ADAMTS19: variants seen among roughly 807,000 people sequenced by gnomAD.
The protein encoded by ADAMTS19 is ADAM metallopeptidase with thrombospondin type 1 motif 19, also known as A disintegrin and metalloproteinase with thrombospondin motifs 19.
A neutral mutation model predicts 153.3 loss-of-function variants in ADAMTS19; 93 were observed. The ratio of observed to expected loss-of-function variants is 0.61; its 90% CI spans 0.51 to 0.72. ADAMTS19 has a LOEUF of 0.72. ADAMTS19 is among the 30% of genes least tolerant of loss of function. The probability of loss-of-function intolerance (pLI) is 0.00; values close to 1 mark genes in which losing one functional copy is unlikely to be tolerated. For missense variants in ADAMTS19, 1,482 were observed against 1,552.1 expected (o/e 0.95, Z 0.76); for synonymous variants, 600 against 556.6 (o/e 1.08, Z -1.10).
intron 6 of ADAMTS19, among the ~76,000 whole-genome samples, chr5:129,542,278 A>T (rs1476731162): frequency 6.6e-6 from 1 of 152,152 alleles, no homozygotes; most frequent in African/African-American, 2.4e-5. Context: ...ATCCTCTGAA[A>T]ACATGGGTTT....
chr5:129,581,887 T>TACC (rs2126887214), intron 7 of ADAMTS19, among the ~76,000 whole-genome samples: 2 of 152,298 alleles, frequency 1.3e-5, no homozygotes, highest in East Asian at 3.9e-4. Context: ...GAACAGGTTG[T>TACC]TCAGTTTCCA....
intron 21 of ADAMTS19, among the ~76,000 whole-genome samples, chr5:129,704,920 A>C (rs557718908): frequency 6.6e-6 from 1 of 152,302 alleles, no homozygotes; most frequent in African/African-American, 2.4e-5. Flanking sequence ...AATGAACAGT[A>C]AGTTTAATTC....
intron 7 of ADAMTS19, among the ~76,000 whole-genome samples, chr5:129,570,351 AT>A (rs1260287526): frequency 6.6e-6 from 1 of 151,876 alleles, no homozygotes; most frequent in Non-Finnish European, 1.5e-5. Flanking sequence ...GTTCATTGAA[AT>A]CCTCAAACAA....
At chr5:129,519,680 A>G (rs1033965108) in intron 3 of ADAMTS19, among the ~76,000 whole-genome samples, 1 of 151,208 alleles carries the variant, frequency 6.6e-6, no homozygotes, top group East Asian at 1.9e-4. Context: ...AAGCGGAAAG[A>G]TTTTTAAGAA....
intron 3 of ADAMTS19, among the ~76,000 whole-genome samples, chr5:129,522,354 T>C (rs1297999169): frequency 2.3e-5 from 3 of 127,760 alleles, no homozygotes; most frequent in East Asian, 2.2e-4. Context: ...TATATATATA[T>C]ATATATATAT....
intron 6 of ADAMTS19, among the ~76,000 whole-genome samples, chr5:129,530,389 A>G (rs1056846440): frequency 3.9e-5 from 6 of 152,206 alleles, no homozygotes; most frequent in African/African-American, 7.2e-5. Flanking sequence ...GGCAACAAAT[A>G]TGGACCTAGG....
intron 10 of ADAMTS19, among the ~76,000 whole-genome samples, chr5:129,626,406 G>C (rs1312846331): frequency 1.3e-5 from 2 of 151,996 alleles, no homozygotes; most frequent in African/African-American, 4.8e-5. Flanking sequence ...TAACCTACCT[G>C]CACAGATTTT....
intron 3 of ADAMTS19, among the ~76,000 whole-genome samples, chr5:129,524,716 A>T (rs1435800981): frequency 6.6e-6 from 1 of 151,856 alleles, no homozygotes; most frequent in African/African-American, 2.4e-5. Flanking sequence ...ACACCTATGT[A>T]ACAAACCTGC....
chr5:129,698,511 G>A (rs553118145), intron 19 of ADAMTS19, among the ~76,000 whole-genome samples: 96 of 152,148 alleles, frequency 6.3e-4, no homozygotes, highest in Admixed American at 4.5e-3. Context: ...TAAGGAAATG[G>A]GATCCTTCCA....
At position 129,702,951 on chromosome 5, in the gene ADAMTS19, T is replaced by C. The variant is rs1390032962; in HGVS notation, c.3160-1288T>C. ...TGCCAAAAAAAAAAAAATATATATATATATATATATATATATATATACAAA... is the reference window on the plus strand; with the variant it reads ...TGCCAAAAAAAAAAAAATATATATACATATATATATATATATATATACAAA... On this transcript the variant is annotated intron_variant, in intron 20 of 22. Coordinates refer to ENST00000274487, the MANE Select transcript of ADAMTS19 (RefSeq NM_133638.6). 5.7e-4 allele frequency among the ~76,000 whole-genome samples: 67 copies of C among 116,640 alleles called. 3 individuals are homozygous for C. The highest frequency in any genetic ancestry group is 2.5e-3 in the African/African-American group (63 of 24,758). 76.5% of individuals were successfully genotyped at this position (116,640 alleles called of 152,430 possible). A position where few individuals can be genotyped will look rare whatever the true frequency, so the allele number is the denominator to read the frequency against.
chr5:129,558,483 C>T lies in ADAMTS19; in HGVS notation c.1372+6576C>T, dbSNP rs553334324. Among the ~76,000 whole-genome samples the T allele has an allele frequency of 1.4e-3, 215 of 152,030 alleles. 2 individuals are homozygous for T. The highest frequency in any genetic ancestry group is 5.0e-3 in the African/African-American group (209 of 41,472). ...TAAGACATATGGACAATATTATAGACTATATTACAATTCATTAAAGAAGAC... is the reference window on the plus strand; with the variant it reads ...TAAGACATATGGACAATATTATAGATTATATTACAATTCATTAAAGAAGAC... On this transcript the variant is annotated intron_variant, in intron 7 of 22. Transcript: ENST00000274487.
intron 6 of ADAMTS19, among the ~76,000 whole-genome samples, chr5:129,537,464 G>A (rs1752485574): frequency 1.3e-5 from 2 of 152,112 alleles, no homozygotes; most frequent in Non-Finnish European, 2.9e-5. Context: ...CTGCTATAAA[G>A]ACACATGCAC....
chr5:129,685,342 C>T (rs1755033905), intron 18 of ADAMTS19, among the ~76,000 whole-genome samples: 1 of 151,626 alleles, frequency 6.6e-6, no homozygotes, highest in African/African-American at 2.4e-5. Flanking sequence ...ATAAGCAAAG[C>T]CTATTGAAAT....
rs535803140 is a variant in ADAMTS19, at chr5:129,626,715, T to G, written c.1770+4367T>G. Among the ~76,000 whole-genome samples, 22 of 152,258 alleles carry G rather than the reference T, an allele frequency of 1.4e-4. 1 individual carries two copies. Among genetic ancestry groups the G allele is most frequent in the African/African-American group, 4.8e-4 (20 of 41,560 alleles). On this transcript the variant is annotated intron_variant, in intron 10 of 22. Coordinates refer to ENST00000274487, the MANE Select transcript of ADAMTS19 (RefSeq NM_133638.6). ...AATATTTATTAAGTTCCAACTACTT[T>G]CCAGGCACTGTATGAAGCACAAATA...
intron 16 of ADAMTS19, among the ~76,000 whole-genome samples, chr5:129,668,158 C>T (rs1242641016): frequency 6.6e-6 from 1 of 152,144 alleles, no homozygotes; most frequent in Non-Finnish European, 1.5e-5. Context: ...ACTCCATTGT[C>T]TACCTGCATG....
intron 16 of ADAMTS19, among the ~76,000 whole-genome samples, chr5:129,674,525 GTCT>G: frequency 6.6e-6 from 1 of 151,904 alleles, no homozygotes; most frequent in African/African-American, 2.4e-5. Context: ...CTATTCCAGT[GTCT>G]TCTTTACTTG....
rs73787508 is a variant in ADAMTS19, at chr5:129,467,578, G to A, written c.747+5821G>A. Among the ~76,000 whole-genome samples, 80 of 152,294 alleles carry A rather than the reference G, an allele frequency of 5.3e-4. 1 individual carries two copies. Among genetic ancestry groups the A allele is most frequent in the African/African-American group, 1.7e-3 (69 of 41,560 alleles). ...TTTAATAGAGGAGAGATGATCTACA[G>A]TGGGATGTGTGTCAGATTGACTTTA... On this transcript the variant is annotated intron_variant, in intron 2 of 22. Transcript: ENST00000274487.
intron 16 of ADAMTS19, among the ~76,000 whole-genome samples, chr5:129,670,198 C>T (rs1210176422): frequency 1.3e-5 from 2 of 152,108 alleles, no homozygotes; most frequent in Non-Finnish European, 2.9e-5. Flanking sequence ...TATTGCATAT[C>T]CTTGTCTGAA....
At chr5:129,530,011 G>T (rs1320561928) in intron 6 of ADAMTS19, among the ~76,000 whole-genome samples, 1 of 152,016 alleles carries the variant, frequency 6.6e-6, no homozygotes, top group Non-Finnish European at 1.5e-5. Context: ...TTGGATTTTT[G>T]ATAGATCTCC....
Sources: allele counts gnomAD v4.1 joint callset (sites outside exome capture counted in the v4.1 genomes callset), GRCh38; gene constraint gnomAD v4.1.1; transcripts MANE v1.5; gene names NCBI Gene and HGNC (gene_info 2026-07-23, HGNC 2026-07-21).